The following ZNF385D variants were observed in gnomAD, a reference collection of about 807,000 sequenced individuals.
ZNF385D encodes the protein zinc finger protein 659.
ZNF385D carries 15 observed loss-of-function variants against 35.8 expected under a neutral mutation model. The ratio of observed to expected loss-of-function variants is 0.42; its 90% confidence interval spans 0.28 to 0.64. The LOEUF (loss-of-function observed/expected upper bound fraction) is 0.64. Among genes scored for constraint, ZNF385D ranks in the 30% least tolerant of loss-of-function variants. ZNF385D has a pLI of 0.23. For missense variants in ZNF385D, 474 were observed against 494.6 expected (o/e 0.96, Z 0.39); for synonymous variants, 212 against 186.8 (o/e 1.13, Z -1.10).
intron 2 of ZNF385D, among the ~76,000 whole-genome samples, chr3:22,372,184 A>G (rs1164526942): frequency 1.3e-5 from 2 of 151,498 alleles, no homozygotes; most frequent in African/African-American, 4.9e-5. Flanking sequence ...GAGACCCTCC[A>G]GCTCCGCGCT....
intron 3 of ZNF385D, among the ~76,000 whole-genome samples, chr3:21,778,574 C>A (rs2071379871): frequency 6.6e-6 from 1 of 151,898 alleles, no homozygotes; most frequent in African/African-American, 2.4e-5. Flanking sequence ...AAAACAAAAT[C>A]TACAATCAGA....
chr3:22,289,507 G>C (rs987685269), intron 2 of ZNF385D, among the ~76,000 whole-genome samples: 1 of 152,156 alleles, frequency 6.6e-6, no homozygotes, highest in African/African-American at 2.4e-5. Flanking sequence ...ATTCAGGCTA[G>C]ATAGGAGCTC....
chr3:21,721,448 G>A (rs1211083834), intron 1 of ZNF385D, among the ~76,000 whole-genome samples: 2 of 151,672 alleles, frequency 1.3e-5, no homozygotes, highest in Non-Finnish European at 1.5e-5. Flanking sequence ...ACATTTGGCA[G>A]ATCCTAAAAA....
intron 2 of ZNF385D, among the ~76,000 whole-genome samples, chr3:22,220,073 C>CT (rs1420745443): frequency 7.7e-6 from 1 of 129,766 alleles, no homozygotes; most frequent in South Asian, 2.5e-4. Context: ...TTTTTTTTTT[C>CT]TTTTTTTGAG....
At chr3:22,024,110 A>G (rs188537756) in intron 3 of ZNF385D, among the ~76,000 whole-genome samples, 1 of 152,190 alleles carries the variant, frequency 6.6e-6, no homozygotes, top group East Asian at 1.9e-4. Flanking sequence ...AAGCAGGCAG[A>G]AAAAAACATG....
intron 2 of ZNF385D, among the ~76,000 whole-genome samples, chr3:22,210,315 G>T (rs1366026849): frequency 6.6e-6 from 1 of 151,766 alleles, no homozygotes; most frequent in African/African-American, 2.4e-5. Flanking sequence ...TAGATAGCAT[G>T]AAAAAATAAT....
chr3:21,560,534 A>G (rs1168989447), intron 3 of ZNF385D, among the ~76,000 whole-genome samples: 2 of 152,182 alleles, frequency 1.3e-5, no homozygotes, highest in African/African-American at 4.8e-5. Flanking sequence ...CCAGAGGGCT[A>G]CCTGCCAGAT....
chr3:22,035,401 A>G (rs1267882491), intron 3 of ZNF385D, among the ~76,000 whole-genome samples: 1 of 152,232 alleles, frequency 6.6e-6, no homozygotes, highest in Non-Finnish European at 1.5e-5. Context: ...AAATCCAAGT[A>G]TAATTCCCTT....
intron 3 of ZNF385D, among the ~76,000 whole-genome samples, chr3:21,917,506 C>T (rs1700247243): frequency 6.6e-6 from 1 of 152,106 alleles, no homozygotes; most frequent in Admixed American, 6.5e-5. Context: ...GGACTTGTAT[C>T]AAGTGGAAAG....
In ZNF385D at chr3:21,487,544, C is replaced by A. The variant is rs191300603; in HGVS notation, c.439+23317G>T. 5.1e-4 allele frequency among the ~76,000 whole-genome samples: 78 copies of A among 152,188 alleles called. 1 individual carries two copies. Among genetic ancestry groups the A allele is most frequent in the Middle Eastern group, 3.4e-3 (1 of 294 alleles). On this transcript the variant is annotated intron_variant, in intron 4 of 7. Coordinates refer to ENST00000281523, the MANE Select transcript of ZNF385D (RefSeq NM_024697.3). ...TTACTGATGCTTCCAAATGCAATCACACACCATATAATATACTCATGCATA... is the reference window on the plus strand; with the variant it reads ...TTACTGATGCTTCCAAATGCAATCAAACACCATATAATATACTCATGCATA...
At chr3:22,100,774 G>A (rs1701895189) in intron 3 of ZNF385D, among the ~76,000 whole-genome samples, 1 of 151,582 alleles carries the variant, frequency 6.6e-6, no homozygotes, top group South Asian at 2.1e-4. Flanking sequence ...CATGGCACAT[G>A]TATACATATG....
At position 21,437,219 on chromosome 3, in the gene ZNF385D, C is replaced by T; in HGVS notation, c.440-16G>A. The T allele has an allele frequency of 6.3e-7, 1 of 1,592,680 alleles. No individual in the cohort carries two copies. Among genetic ancestry groups the T allele is most frequent in the Non-Finnish European group, 8.6e-7 (1 of 1,169,428 alleles). On this transcript the variant is annotated splice_polypyrimidine_tract_variant and intron_variant, in intron 4 of 7. Coordinates refer to ENST00000281523, the MANE Select transcript of ZNF385D (RefSeq NM_024697.3). ...GCAGTACCGTCTGTATTCAAAATAA[C>T]ACAGAAAAAAGGGGGAAAAACAATG...
At chr3:21,970,830 A>C (rs1703204829) in intron 3 of ZNF385D, among the ~76,000 whole-genome samples, 1 of 152,072 alleles carries the variant, frequency 6.6e-6, no homozygotes, top group Admixed American at 6.6e-5. Context: ...AAAAGAAACA[A>C]ATAACATGCA....
intron 4 of ZNF385D, among the ~76,000 whole-genome samples, chr3:21,482,539 C>T (rs1046302861): frequency 6.6e-6 from 1 of 152,182 alleles, no homozygotes; most frequent in African/African-American, 2.4e-5. Context: ...CCTAATAACA[C>T]AAACCCAAGA....
At chr3:21,821,901 G>C (rs1229477728) in intron 3 of ZNF385D, among the ~76,000 whole-genome samples, 2 of 150,176 alleles carry the variant, frequency 1.3e-5, no homozygotes, top group East Asian at 3.9e-4. Context: ...GGGAGGTTGA[G>C]GCTGCAGTGA....
At chr3:21,573,409 G>T (rs2063392509) in intron 2 of ZNF385D, among the ~76,000 whole-genome samples, 1 of 152,166 alleles carries the variant, frequency 6.6e-6, no homozygotes, top group African/African-American at 2.4e-5. Flanking sequence ...TTGACATTAG[G>T]TACTGACAAG....
chr3:21,935,505 C>T (rs1187980273), intron 3 of ZNF385D, among the ~76,000 whole-genome samples: 2 of 152,154 alleles, frequency 1.3e-5, no homozygotes, highest in Admixed American at 1.3e-4. Flanking sequence ...TCACATGCTA[C>T]AGCCTCAAAA....
chr3:22,302,514 C>T (rs1321147906), intron 2 of ZNF385D, among the ~76,000 whole-genome samples: 1 of 151,842 alleles, frequency 6.6e-6, no homozygotes, highest in Non-Finnish European at 1.5e-5. Flanking sequence ...TTGGGTCTGT[C>T]CTTAGTGTAA....
At chr3:22,138,419 C>G (rs550652986) in intron 3 of ZNF385D, among the ~76,000 whole-genome samples, 1 of 152,140 alleles carries the variant, frequency 6.6e-6, no homozygotes, top group Non-Finnish European at 1.5e-5. Context: ...TCAAACTATA[C>G]TACAAGGCTA....
Sources: gnomAD v4.1 joint callset for allele counts (sites outside exome capture counted in the v4.1 genomes callset) on GRCh38, gnomAD v4.1.1 for gene constraint, MANE v1.5 for transcripts, NCBI Gene and HGNC (gene_info 2026-07-23, HGNC 2026-07-21) for gene names.